NELL2: variants seen among roughly 807,000 people sequenced by gnomAD.
NELL2 encodes the protein protein kinase C-binding protein NELL2.
In NELL2, 41 loss-of-function variants were observed where a neutral mutation model predicts 109.6. That is an observed-to-expected ratio of 0.37 (90% CI 0.29 to 0.49). The LOEUF is 0.49. Ranked by LOEUF, NELL2 falls within the 20% of genes least tolerant of loss-of-function variation. NELL2 has a pLI of 0.98. For synonymous variants in NELL2, 355 were observed against 344.7 expected, an observed-to-expected ratio of 1.03 and a Z score of -0.33; for missense variants, 900 against 1,008.3, an observed-to-expected ratio of 0.89 and a Z score of 1.45.
rs115101103 is a variant in NELL2 at position 44,664,779 on chromosome 12, C to T, written c.1444+705G>A. 7.3e-3 allele frequency among the ~76,000 whole-genome samples: 1,111 copies of T among 152,200 alleles called. 9 individuals are homozygous for T. Among genetic ancestry groups the T allele is most frequent in the African/African-American group, 0.021 (874 of 41,546 alleles). On this transcript the variant is annotated intron_variant, in intron 13 of 19. Transcript: ENST00000429094. ...AGATGAAAAGAAATGTTCTGTTTCACACCCACATTTCCTCAAATCCTACAG... is the reference window on the plus strand; with the variant it reads ...AGATGAAAAGAAATGTTCTGTTTCATACCCACATTTCCTCAAATCCTACAG...
At chr12:44,749,470 C>A (rs777548943) in intron 9 of NELL2, among the ~76,000 whole-genome samples, 23 of 152,120 alleles carry the variant, frequency 1.5e-4, no homozygotes, top group Non-Finnish European at 3.4e-4. Flanking sequence ...TAGCACACAT[C>A]AAAAATTACT....
chr12:44,635,625 T>C (rs1946610362), intron 13 of NELL2, among the ~76,000 whole-genome samples: 1 of 152,190 alleles, frequency 6.6e-6, no homozygotes, highest in South Asian at 2.1e-4. Context: ...AGGCCTCTGT[T>C]CTGTTCCATT....
chr12:44,517,434 G>A (rs1166587371), intron 19 of NELL2, among the ~76,000 whole-genome samples: 1 of 132,200 alleles, frequency 7.6e-6, no homozygotes, highest in East Asian at 2.3e-4. Context: ...TCCCACTCTT[G>A]CCATGTGAAA....
intron 12 of NELL2, among the ~76,000 whole-genome samples, chr12:44,666,099 T>C (rs1182765857): frequency 6.6e-6 from 1 of 152,148 alleles, no homozygotes; most frequent in East Asian, 1.9e-4. Context: ...TTATTAGAGA[T>C]AAAAGTAGAC....
rs578015288 is a variant in NELL2, at chr12:44,807,308, A to G, written c.335+8678T>C. ...AACATTATATTTAATAGGAATTTAT[A>G]CATTTGATGGATTTTGCTCTTTACA... On this transcript the variant is annotated intron_variant, in intron 3 of 19. Coordinates refer to ENST00000429094, the MANE Select transcript of NELL2 (RefSeq NM_001145108.2). 1.1e-4 allele frequency among the ~76,000 whole-genome samples: 15 copies of G among 138,152 alleles called. No individual in the cohort carries two copies. The East Asian group carries it at 2.1e-3, about 20-fold the overall frequency. The allele number at this position is 138,152 out of a possible 152,430, so 90.6% of individuals were successfully genotyped here. A position where few individuals can be genotyped will look rare whatever the true frequency, so the allele number is the denominator to read the frequency against.
intron 1 of NELL2, among the ~76,000 whole-genome samples, chr12:44,920,926 A>C (rs1232350060): frequency 5.3e-5 from 8 of 152,206 alleles, no homozygotes; most frequent in Non-Finnish European, 1.0e-4. Context: ...TCCCTCATTT[A>C]TTGACTGATG....
intron 15 of NELL2, among the ~76,000 whole-genome samples, chr12:44,571,708 T>C (rs1467976243): frequency 1.3e-5 from 2 of 152,266 alleles, no homozygotes; most frequent in Non-Finnish European, 2.9e-5. Context: ...TTCAGCATCA[T>C]ATGTGCAATA....
At chr12:44,787,349 G>C (rs1031880643) in intron 3 of NELL2, among the ~76,000 whole-genome samples, 4 of 152,048 alleles carry the variant, frequency 2.6e-5, no homozygotes, top group Admixed American at 2.6e-4. Context: ...ATTCTCCCCA[G>C]TGTGATATAA....
At chr12:44,717,115 G>C (rs1938530635) in intron 9 of NELL2, among the ~76,000 whole-genome samples, 1 of 152,086 alleles carries the variant, frequency 6.6e-6, no homozygotes, top group South Asian at 2.1e-4. Context: ...TTTTTGATCA[G>C]TTGCTGTAAT....
At chr12:44,620,428 C>T (rs1243421595) in intron 13 of NELL2, among the ~76,000 whole-genome samples, 1 of 152,076 alleles carries the variant, frequency 6.6e-6, no homozygotes, top group East Asian at 1.9e-4. Flanking sequence ...ATTCAGAGAC[C>T]TGACAATGCT....
intron 15 of NELL2, among the ~76,000 whole-genome samples, chr12:44,540,655 G>A (rs1019490478): frequency 4.0e-5 from 6 of 151,736 alleles, no homozygotes; most frequent in African/African-American, 1.5e-4. Context: ...AATATCTGTG[G>A]GAAACTAAAG....
At position 44,684,256 on chromosome 12, in the gene NELL2, G is replaced by C. The variant is rs1474618367; in HGVS notation, c.1319-18647C>G. ...GGTAGTTTGTATTTCTGTGGGATTG[G>C]TGGTGATATTCCCTTTAACATTTTT... On this transcript the variant is annotated intron_variant, in intron 12 of 19. Transcript: ENST00000429094. 3.3e-5 allele frequency among the ~76,000 whole-genome samples: 5 copies of C among 152,178 alleles called. No homozygotes were observed. The East Asian group carries it at 9.6e-4, about 29-fold the overall frequency.
chr12:44,533,454 G>C (rs549608824), intron 15 of NELL2, among the ~76,000 whole-genome samples: 1 of 151,634 alleles, frequency 6.6e-6, no homozygotes, highest in African/African-American at 2.4e-5. Context: ...CATTGAACAT[G>C]TGAAAAAAAA....
chr12:44,795,032 G>T (rs1942570334), intron 3 of NELL2, among the ~76,000 whole-genome samples: 1 of 152,088 alleles, frequency 6.6e-6, no homozygotes, highest in South Asian at 2.1e-4. Flanking sequence ...TTAAGATTAG[G>T]TTTCCGAGAA....
intron 1 of NELL2, among the ~76,000 whole-genome samples, chr12:44,904,492 T>C (rs1312399320): frequency 2.6e-5 from 4 of 152,162 alleles, no homozygotes; most frequent in Non-Finnish European, 5.9e-5. Context: ...AGTGGAATGC[T>C]AGAAAGCCCT....
intron 19 of NELL2, 66 bp downstream of exon 19, chr12:44,519,939 A>G: frequency 7.1e-7 from 1 of 1,399,076 alleles, no homozygotes; most frequent in Non-Finnish European, 1.0e-6. Context: ...GGTAGAGCAC[A>G]TTATTATCTA....
At chr12:44,778,960 T>A (rs1294325568) in intron 5 of NELL2, among the ~76,000 whole-genome samples, 1 of 152,178 alleles carries the variant, frequency 6.6e-6, no homozygotes, top group African/African-American at 2.4e-5. Context: ...CTATCACTTA[T>A]CATTGTTTGA....
intron 12 of NELL2, among the ~76,000 whole-genome samples, chr12:44,687,266 G>A (rs1029029239): frequency 5.9e-5 from 9 of 152,256 alleles, no homozygotes; most frequent in East Asian, 5.8e-4. Flanking sequence ...GCTTTGGCTC[G>A]CCCATGGTGC....
At chr12:44,733,717 C>A (rs948256527) in intron 9 of NELL2, among the ~76,000 whole-genome samples, 3 of 149,442 alleles carry the variant, frequency 2.0e-5, no homozygotes, top group Admixed American at 2.0e-4. Flanking sequence ...TGTTTTTTAT[C>A]CAAAAATAAA....
Sources: gnomAD v4.1 joint callset for allele counts (sites outside exome capture counted in the v4.1 genomes callset) on GRCh38, gnomAD v4.1.1 for gene constraint, MANE v1.5 for transcripts, NCBI Gene and HGNC (gene_info 2026-07-23, HGNC 2026-07-21) for gene names.